The following SYNE2 variants were observed in gnomAD, a reference collection of about 807,000 sequenced individuals.
SYNE2 encodes the protein nesprin-2.
Under a neutral mutation model 856.3 loss-of-function variants are expected in SYNE2, and 431 were observed. The observed-to-expected ratio is 0.50, with a 90% CI of 0.47 to 0.55. The LOEUF (loss-of-function observed/expected upper bound fraction) is 0.55, where lower values mean the gene tolerates loss of function less well. Among genes scored for constraint, SYNE2 ranks in the 20% least tolerant of loss-of-function variants. SYNE2 has a pLI of 0.00. For synonymous variants in SYNE2, 2,923 were observed against 2,872.3 expected (o/e 1.02, Z -0.56); for missense variants, 8,129 against 8,023.2 (o/e 1.01, Z -0.50).
At chr14:64,076,183 C>T (rs777096823) in intron 54 of SYNE2, 83 bp downstream of exon 54, 8 of 1,481,164 alleles carry the variant, frequency 5.4e-6, no homozygotes, top group Admixed American at 1.9e-5. Flanking sequence ...TGTCAAATTC[C>T]ATTTGCCAGG....
intron 15 of SYNE2, 68 bp downstream of exon 15, chr14:63,980,800 T>C (rs2096579988): frequency 2.4e-6 from 3 of 1,252,548 alleles, no homozygotes; most frequent in Non-Finnish European, 1.2e-6. Flanking sequence ...TCTGTTGTGC[T>C]TTCTATATAA....
rs961201720 is a variant in SYNE2 at position 64,219,496 on chromosome 14, C to T, written c.19860+86C>T. ...GCTGGACGAGCAGATCCCATGTATT[C>T]GTGGCATAGGCGCAGCTTGCAGATG... On this transcript the variant is annotated intron_variant, in intron 110 of 115. Coordinates refer to ENST00000555002, the MANE Select transcript of SYNE2 (RefSeq NM_182914.3). 25 of 1,337,050 alleles carry T rather than the reference C, an allele frequency of 1.9e-5. No homozygotes were observed. The Admixed American group carries it at 2.2e-4, about 12-fold the overall frequency. 82.8% of individuals were successfully genotyped at this position (1,337,050 alleles called of 1,614,324 possible).
Position 64,126,682 on chromosome 14 carries a change from G to A in SYNE2, c.13792G>A (p.Glu4598Lys), listed in dbSNP as rs144702281. The A allele has an allele frequency of 1.2e-4, 197 of 1,614,188 alleles. No individual in the cohort carries two copies. Among genetic ancestry groups the A allele is most frequent in the African/African-American group, 5.1e-4 (38 of 75,046 alleles). The change falls in exon 73 of 116, where the codon GAG becomes AAG. Residue 4598 changes from glutamate to lysine, a missense_variant. This residue lies in a region of SYNE2 where 5,410 missense variants were observed against 5,284.8 expected (regional missense o/e 1.02). Transcript: ENST00000555002. The part of the protein sequence containing the change: ...DLLKAMTWPG[E>K]NTNLLLECFD... ...TTTGAAAGCCATGACTTGGCCTGGC[G>A]AGAACACCAACTTGCTCCTTGAATG...
At chr14:63,940,239 A>C (rs1173325848) in intron 2 of SYNE2, among the ~76,000 whole-genome samples, 1 of 151,846 alleles carries the variant, frequency 6.6e-6, no homozygotes, top group Non-Finnish European at 1.5e-5. Context: ...TATTTTTTGT[A>C]AAGATGGGAT....
At chr14:64,144,604 C>T (rs2098166155) in intron 83 of SYNE2, among the ~76,000 whole-genome samples, 1 of 152,014 alleles carries the variant, frequency 6.6e-6, no homozygotes, top group East Asian at 1.9e-4. Context: ...ACATAATGCA[C>T]TTAATTAGAA....
At chr14:63,943,158 T>G (rs2095951076) in intron 6 of SYNE2, among the ~76,000 whole-genome samples, 1 of 152,206 alleles carries the variant, frequency 6.6e-6, no homozygotes, top group Non-Finnish European at 1.5e-5. Flanking sequence ...TATCTGACTG[T>G]GAATAATCCC....
chr14:64,048,009 G>A lies in SYNE2; in HGVS notation c.7231G>A (p.Val2411Met), dbSNP rs2097198605. Residue 2411 changes from valine (V) to methionine (M), a missense_variant, in exon 46 of 116, where the codon GTG (valine) becomes ATG (methionine). By Grantham distance (21) the Val-to-Met change is conservative (BLOSUM62 1). Transcript: ENST00000555002. ...EDWEINKDSA[V>M]EMAMSKQLSL... ...TTTTTATGTATTTCAGGATTCAGCT[G>A]TGGAAATGGCTATGTCAAAACAACT... The A allele has an allele frequency of 6.2e-7, 1 of 1,613,612 alleles. No homozygotes were observed. The highest frequency in any genetic ancestry group is 1.1e-5 in the South Asian group (1 of 91,070).
At chr14:64,165,448 C>T in intron 90 of SYNE2, 38 bp downstream of exon 90, 1 of 1,604,776 alleles carries the variant, frequency 6.2e-7, no homozygotes, top group Middle Eastern at 2.0e-4. Context: ...GGCTTAGACT[C>T]ACCATAAGGT....
intron 52 of SYNE2, among the ~76,000 whole-genome samples, chr14:64,073,136 T>C (rs2097425826): frequency 6.6e-6 from 1 of 152,134 alleles, no homozygotes; most frequent in Admixed American, 6.5e-5. Flanking sequence ...AATTGGCCAT[T>C]GGCGATCAAC....
At chr14:64,030,888 A>ATGTGATAT in intron 44 of SYNE2, 128 bp from the exon 45 acceptor site, 1 of 734,456 alleles carries the variant, frequency 1.4e-6, no homozygotes, top group East Asian at 2.7e-5. Context: ...AGTTTCTTCT[A>ATGTGATAT]TGTGATATGA....
At chr14:64,066,371 G>A (rs2097358896) in intron 51 of SYNE2, among the ~76,000 whole-genome samples, 1 of 152,062 alleles carries the variant, frequency 6.6e-6, no homozygotes, top group South Asian at 2.1e-4. Context: ...GGTGGCACAT[G>A]CCTGTAGTCC....
At chr14:63,774,143 G>A (rs2139714912) in intron 1 of SYNE2, among the ~76,000 whole-genome samples, 1 of 151,864 alleles carries the variant, frequency 6.6e-6, no homozygotes, top group Admixed American at 6.6e-5. Context: ...GACCAGCCTG[G>A]CCAACATGGT....
chr14:63,954,992 G>C (rs527481262), intron 8 of SYNE2, 77 bp downstream of exon 8: 267 of 1,216,076 alleles, frequency 2.2e-4, no homozygotes, highest in Admixed American at 6.5e-4. Context: ...ATCTATACAT[G>C]AATAAACATA....
Position 64,090,951 on chromosome 14 carries a change from G to A in SYNE2, c.11879G>A (p.Gly3960Glu), listed in dbSNP as rs775836079. The A allele has an allele frequency of 2.7e-5, 43 of 1,613,958 alleles. No homozygotes were observed. Among genetic ancestry groups the A allele is most frequent in the Non-Finnish European group, 3.2e-5 (38 of 1,179,976 alleles). ...YQVELRLPQT[G>E]MKPLPVFQRT... Reference sequence around the variant, plus strand: ...GTGGAACTGAGGTTGCCCCAAACAGGAATGAAACCTCTGCCTGTGTTTCAG... The same window carrying A: ...GTGGAACTGAGGTTGCCCCAAACAGAAATGAAACCTCTGCCTGTGTTTCAG... The change falls in exon 60 of 116, where the codon GGA becomes GAA. Residue 3960 changes from glycine (G) to glutamate (E), a missense_variant. Physicochemically the swap from Gly to Glu is moderately conservative, Grantham distance 98. Around this residue, in one of 3 missense-constraint regions of SYNE2, gnomAD observed 5,410 missense variants for 5,284.8 expected, o/e 1.02. Transcript: ENST00000555002.
intron 59 of SYNE2, 142 bp downstream of exon 59, chr14:64,089,838 T>A: frequency 1.5e-6 from 1 of 649,898 alleles, no homozygotes; most frequent in Non-Finnish European, 2.6e-6. Flanking sequence ...TGGGAATAAC[T>A]ATAACTGTAT....
rs752563309 is a variant in SYNE2, at chr14:64,188,605, A to G, written c.17768A>G (p.Asn5923Ser). Residue 5923 changes from asparagine to serine, a missense_variant, in exon 98 of 116, where the codon AAT becomes AGT. Transcript: ENST00000555002. ...EDRLNTWVVF[N>S]EKNKELCAWL... ...AGACTCAATACATGGGTTGTATTCA[A>G]TGAAAAAAATAAAGAGTTGTGTGCC... is the stretch of plus-strand genomic sequence containing the variant. 3.7e-6 allele frequency: 6 copies of G among 1,614,122 alleles called. No individual in the cohort carries two copies. Among genetic ancestry groups the G allele is most frequent in the Non-Finnish European group, 5.1e-6 (6 of 1,180,042 alleles).
chr14:63,832,186 C>T (rs1364138037), intron 1 of SYNE2, among the ~76,000 whole-genome samples: 1 of 151,928 alleles, frequency 6.6e-6, no homozygotes, highest in Non-Finnish European at 1.5e-5. Context: ...TGGTTGTCAA[C>T]TAAGGCAATG....
intron 25 of SYNE2, 41 bp downstream of exon 25, chr14:63,997,432 G>A: frequency 6.9e-7 from 1 of 1,458,564 alleles, no homozygotes; most frequent in Non-Finnish European, 9.5e-7. Flanking sequence ...TAAACCCAAA[G>A]TAAAAGACCA....
At chr14:64,015,767 G>T (rs776656192) in intron 32 of SYNE2, among the ~76,000 whole-genome samples, 86 of 151,920 alleles carry the variant, frequency 5.7e-4, no homozygotes, top group Non-Finnish European at 1.1e-3. Flanking sequence ...GATTCTTGAA[G>T]TGGTCATTTA....
Sources: allele counts gnomAD v4.1 joint callset (sites outside exome capture counted in the v4.1 genomes callset), GRCh38; gene constraint gnomAD v4.1.1; regional missense constraint gnomAD v4.1.1; transcripts MANE v1.5; gene names NCBI Gene and HGNC (gene_info 2026-07-23, HGNC 2026-07-21).